Variants in NPC1 observed in about 807,000 individuals in gnomAD.
NPC1 encodes NPC intracellular cholesterol transporter 1.
Under a neutral mutation model 140.4 loss-of-function variants are expected in NPC1, and 85 were observed. The observed-to-expected ratio is 0.61, with a 90% confidence interval of 0.51 to 0.72. The LOEUF is 0.72. NPC1 is among the 30% of genes least tolerant of loss of function. The probability of loss-of-function intolerance (pLI) is 0.00; values close to 1 mark genes in which losing one functional copy is unlikely to be tolerated. For synonymous variants in NPC1, 656 were observed against 624.8 expected (o/e 1.05, Z -0.74); for missense variants, 1,504 against 1,623.8 (o/e 0.93, Z 1.27).
intron 1 of NPC1, 103 bp from the exon 2 acceptor site, chr18:23,573,677 C>T: frequency 7.2e-7 from 1 of 1,393,166 alleles, no homozygotes; most frequent in Non-Finnish European, 1.0e-6. Context: ...CCAATGCTAC[C>T]TGCAAAATTA....
intron 3 of NPC1, among the ~76,000 whole-genome samples, chr18:23,571,653 C>CAA (rs10618426): frequency 4.2e-5 from 6 of 141,448 alleles, no homozygotes; most frequent in Admixed American, 2.1e-4. Context: ...GAGTCTGTCT[C>CAA]AAAAAAAAAA....
At chr18:23,529,767 CA>C, downstream of NPC1, 1 of 1,467,248 alleles carries the variant, frequency 6.8e-7, no homozygotes, top group Non-Finnish European at 9.5e-7. Flanking sequence ...AAAAAAAAAA[CA>C]CAGTCACTGT....
chr18:23,551,638 C>G lies in NPC1; in HGVS notation c.1643G>C (p.Gly548Ala). The G allele has an allele frequency of 6.2e-7, 1 of 1,612,952 alleles. No homozygotes were observed. Among genetic ancestry groups the G allele is most frequent in the Non-Finnish European group, 8.5e-7 (1 of 1,178,910 alleles). Residue 548 changes from glycine to alanine, a missense_variant, in exon 10 of 25, where the codon GGA (glycine) becomes GCA (alanine). Gly to Ala is a moderately conservative substitution (Grantham distance 60). Transcript: ENST00000269228. ...GGPVFPWLVL[G>A]GYDDQNYNNA... ...CTTCTCTTACTTACCATCATAGCCT[C>G]CCAACACAAGCCACGGGAACACTGG... is the stretch of plus-strand genomic sequence containing the variant.
Position 23,538,609 on chromosome 18 carries a change from C to G in NPC1, c.2974G>C (p.Gly992Arg), listed in dbSNP as rs80358254. The change falls in exon 20 of 25, where the codon GGG becomes CGG. Residue 992 changes from glycine to arginine, a missense_variant. Coordinates refer to ENST00000269228, the MANE Select transcript of NPC1 (RefSeq NM_000271.5). ...GGCAGGAATCTCATGAAGTCTCCCC[C>G]CTGAGGCCTCTGTTTGCCTTCCGGA... ...LTPEGKQRPQ[G>R]GDFMRFLPMF... The G allele has an allele frequency of 3.7e-5, 60 of 1,614,186 alleles. No individual in the cohort carries two copies. Among genetic ancestry groups the G allele is most frequent in the South Asian group, 2.1e-4 (19 of 91,086 alleles).
At position 23,541,146 on chromosome 18, in the gene NPC1, G is replaced by A. The variant is rs780206362; in HGVS notation, c.2436C>T (p.Ala812=). Residue 812 remains alanine, a synonymous_variant, in exon 16 of 25, where the codon GCC becomes GCT. Coordinates refer to ENST00000269228, the MANE Select transcript of NPC1 (RefSeq NM_000271.5). ...RGAEDGTSVQ[A]SESCLFRFFK... ...AGAAGCGAAACAAACAGCTCTCTGA[G>A]GCCTGGACGCTTGTTCCATCTTCAG... 1.2e-6 allele frequency: 2 copies of A among 1,614,178 alleles called. No individual in the cohort carries two copies. The highest frequency in any genetic ancestry group is 1.1e-5 in the South Asian group (1 of 91,074).
At chr18:23,557,872 G>A (rs2058977939) in intron 6 of NPC1, among the ~76,000 whole-genome samples, 1 of 152,216 alleles carries the variant, frequency 6.6e-6, no homozygotes. Context: ...GGCAGGGACA[G>A]GGAATATGTA....
At chr18:23,560,005 ACAT>A (rs1394314890) in intron 6 of NPC1, among the ~76,000 whole-genome samples, 3 of 152,322 alleles carry the variant, frequency 2.0e-5, no homozygotes, top group Middle Eastern at 3.4e-3. Context: ...TTTAAATCAC[ACAT>A]CATTTTGAAT....
chr18:23,548,618 A>G (rs1198994053), intron 10 of NPC1, among the ~76,000 whole-genome samples: 3 of 152,168 alleles, frequency 2.0e-5, no homozygotes, highest in African/African-American at 4.8e-5. Flanking sequence ...ACTGCTCCAT[A>G]AAGAGTTTCC....
chr18:23,552,590 G>C (rs2058889567), intron 9 of NPC1, among the ~76,000 whole-genome samples: 1 of 152,246 alleles, frequency 6.6e-6, no homozygotes, highest in African/African-American at 2.4e-5. Context: ...AGTAAGTGGA[G>C]ATGTTAGCGC....
At chr18:23,552,807 A>T (rs982068872) in intron 9 of NPC1, among the ~76,000 whole-genome samples, 1 of 152,252 alleles carries the variant, frequency 6.6e-6, no homozygotes, top group African/African-American at 2.4e-5. Flanking sequence ...CCCTTCATCC[A>T]CAGCAGAAAT....
intron 2 of NPC1, among the ~76,000 whole-genome samples, chr18:23,572,664 T>C (rs1014442300): frequency 3.2e-5 from 2 of 62,150 alleles, no homozygotes; most frequent in Non-Finnish European, 5.3e-5. Context: ...TGAAGCCCCA[T>C]CTCCCCAAAT....
intron 21 of NPC1, among the ~76,000 whole-genome samples, chr18:23,535,907 CA>C (rs2145353304): frequency 6.6e-6 from 1 of 152,202 alleles, no homozygotes. Context: ...AGCAGTGATG[CA>C]AAATGTATAT....
In NPC1 at chr18:23,586,429, A is replaced by T; in HGVS notation, c.-86T>A. ...CGGCTCTACTTCCCCGGGCTGTTTC[A>T]GCACCCCGCGCAGGAGGAGCGGAGG... On this transcript the variant is annotated 5_prime_UTR_variant, in exon 1 of 25. Coordinates refer to ENST00000269228, the MANE Select transcript of NPC1 (RefSeq NM_000271.5). 1 of 1,520,450 alleles carries T rather than the reference A, an allele frequency of 6.6e-7. No individual in the cohort carries two copies. 94.2% of individuals were successfully genotyped at this position (1,520,450 alleles called of 1,614,324 possible). A position where few individuals can be genotyped will look rare whatever the true frequency, so the allele number is the denominator to read the frequency against.
downstream of NPC1, chr18:23,530,148 T>C (rs776617809): frequency 1.2e-6 from 2 of 1,613,860 alleles, no homozygotes; most frequent in Non-Finnish European, 1.7e-6. Context: ...CATTGCCAGA[T>C]TTTTACTTCC....
intron 4 of NPC1, among the ~76,000 whole-genome samples, chr18:23,563,125 T>C (rs937269458): frequency 2.6e-5 from 4 of 152,194 alleles, no homozygotes; most frequent in African/African-American, 9.6e-5. Context: ...AATCATATAA[T>C]ATGTGGTCTT....
At chr18:23,566,624 C>T (rs1192767514) in intron 4 of NPC1, among the ~76,000 whole-genome samples, 1 of 151,970 alleles carries the variant, frequency 6.6e-6, no homozygotes, top group African/African-American at 2.4e-5. Context: ...TCTATAGATT[C>T]AGTTGAAGCT....
Position 23,586,437 on chromosome 18 carries a change from G to C in NPC1, c.-94C>G, listed in dbSNP as rs773750866. On this transcript the variant is annotated 5_prime_UTR_variant, in exon 1 of 25. Transcript: ENST00000269228. ...CTTCCCCGGGCTGTTTCAGCACCCC[G>C]CGCAGGAGGAGCGGAGGAGCAGGAG... 2.6e-6 allele frequency: 4 copies of C among 1,513,214 alleles called. No individual in the cohort carries two copies. The highest frequency in any genetic ancestry group is 1.2e-5 in the South Asian group (1 of 81,508). The allele number at this position is 1,513,214 out of a possible 1,614,324, so 93.7% of individuals were successfully genotyped here.
Position 23,538,550 on chromosome 18 carries a change from A to G in NPC1, c.3033T>C (p.Cys1011=), listed in dbSNP as rs1403805900. ...MFLSDNPNPK[C]GKGGHAAYSS... ...ATGGCAGCAGCACTTACCCTTTGCC[A>G]CACTTGGGGTTAGGGTTATCCGAAA... Residue 1011 remains cysteine, a synonymous_variant, in exon 20 of 25, where the codon TGT becomes TGC. Coordinates refer to ENST00000269228, the MANE Select transcript of NPC1 (RefSeq NM_000271.5). 6.2e-7 allele frequency: 1 copy of G among 1,614,130 alleles called. No homozygotes were observed. The highest frequency in any genetic ancestry group is 2.2e-5 in the East Asian group (1 of 44,884).
chr18:23,518,984 A>G (rs774210079), downstream of NPC1: 3 of 1,614,004 alleles, frequency 1.9e-6, no homozygotes, highest in Admixed American at 1.7e-5. Context: ...ACCACGGTAG[A>G]TTTCATGCTT....
Sources: gnomAD v4.1 joint callset for allele counts (sites outside exome capture counted in the v4.1 genomes callset) on GRCh38, gnomAD v4.1.1 for gene constraint, MANE v1.5 for transcripts, NCBI Gene and HGNC (gene_info 2026-07-23, HGNC 2026-07-21) for gene names.